The following MDGA2 variants were observed in gnomAD, a reference collection of about 807,000 sequenced individuals.
MDGA2 encodes the protein MAM domain containing glycosylphosphatidylinositol anchor 2.
MDGA2 carries 40 observed loss-of-function variants against 117.8 expected under a neutral mutation model. That is an observed-to-expected ratio of 0.34 (90% CI 0.26 to 0.44). The LOEUF (loss-of-function observed/expected upper bound fraction) is 0.44. MDGA2 is among the 20% of genes least tolerant of loss of function. The pLI is 1.00. For missense variants in MDGA2, 1,123 were observed against 1,250.6 expected, an observed-to-expected ratio of 0.90 and a Z score of 1.54; for synonymous variants, 452 against 439.0, an observed-to-expected ratio of 1.03 and a Z score of -0.37.
chr14:46,839,793 A>T (rs1223736450), downstream of MDGA2, among the ~76,000 whole-genome samples: 1 of 151,986 alleles, frequency 6.6e-6, no homozygotes, highest in Non-Finnish European at 1.5e-5. Context: ...GACTTGGTTC[A>T]GATCAATTCC....
At chr14:47,654,719 C>T (rs1477736235) in intron 1 of MDGA2, among the ~76,000 whole-genome samples, 1 of 152,070 alleles carries the variant, frequency 6.6e-6, no homozygotes, top group Non-Finnish European at 1.5e-5. Context: ...GGCAGCCAAA[C>T]TCATCACCAG....
At chr14:46,960,977 A>T (rs766055061) in intron 8 of MDGA2, among the ~76,000 whole-genome samples, 3 of 150,128 alleles carry the variant, frequency 2.0e-5, no homozygotes, top group Non-Finnish European at 4.4e-5. Context: ...CACATAAAAC[A>T]TTAAAAGGTA....
rs1411215229 is a variant in MDGA2, at chr14:47,157,316, A to C, written c.596-13042T>G. ...ATAAAACTTAGATTCATTCATTCTA[A>C]TGTGAAATTTTGCTTTTACTCATTT... On this transcript the variant is annotated intron_variant, in intron 3 of 16. Coordinates refer to ENST00000399232, the MANE Select transcript of MDGA2 (RefSeq NM_001113498.3). Among the ~76,000 whole-genome samples the C allele has an allele frequency of 2.6e-5, 4 of 152,180 alleles. No homozygotes were observed. The South Asian group carries it at 8.3e-4, about 31-fold the overall frequency.
chr14:47,008,692 T>A (rs2138522902), intron 8 of MDGA2, among the ~76,000 whole-genome samples: 1 of 152,076 alleles, frequency 6.6e-6, no homozygotes, highest in East Asian at 1.9e-4. Context: ...CGTCATTGTC[T>A]ATAAAATATC....
chr14:47,389,606 C>CCA (rs200077028), intron 1 of MDGA2, among the ~76,000 whole-genome samples: 177 of 96,482 alleles, frequency 1.8e-3, no homozygotes, highest in African/African-American at 6.4e-3. Flanking sequence ...ACACACACAC[C>CCA]CACACACACA....
chr14:47,382,224 C>A (rs953168210), intron 1 of MDGA2, among the ~76,000 whole-genome samples: 2 of 152,084 alleles, frequency 1.3e-5, no homozygotes, highest in South Asian at 2.1e-4. Flanking sequence ...TAAAGACTTA[C>A]ATGTTAGACC....
rs1030047319 is a variant in MDGA2, at chr14:47,192,010, C to T, written c.595+26011G>A. ...GAGCATACTGGAGAAAACAACCACCCCAGCCAAGCAATTAATGAAGCCCCT... is the reference window on the plus strand; with the variant it reads ...GAGCATACTGGAGAAAACAACCACCTCAGCCAAGCAATTAATGAAGCCCCT... On this transcript the variant is annotated intron_variant, in intron 3 of 16. Coordinates refer to ENST00000399232, the MANE Select transcript of MDGA2 (RefSeq NM_001113498.3). 2.0e-5 allele frequency among the ~76,000 whole-genome samples: 3 copies of T among 152,080 alleles called. No individual in the cohort carries two copies. The South Asian group carries it at 6.2e-4, about 32-fold the overall frequency.
chr14:47,406,721 G>A (rs1892268840), intron 1 of MDGA2, among the ~76,000 whole-genome samples: 1 of 151,934 alleles, frequency 6.6e-6, no homozygotes, highest in Admixed American at 6.6e-5. Context: ...TTCATCCTAT[G>A]TTGAACATAA....
chr14:46,882,011 T>A, intron 11 of MDGA2, 33 bp downstream of exon 11: 2 of 1,411,742 alleles, frequency 1.4e-6, no homozygotes. Flanking sequence ...GTTAAATATA[T>A]AAATAAATAA....
intron 1 of MDGA2, among the ~76,000 whole-genome samples, chr14:47,634,196 TAGAG>T (rs958239876): frequency 9.9e-5 from 15 of 152,098 alleles, no homozygotes; most frequent in African/African-American, 3.6e-4. Context: ...TTTCTCAAAA[TAGAG>T]GGGAAAAACT....
At position 46,841,971 on chromosome 14, in the gene MDGA2, G is replaced by A. The variant is rs1320340431; in HGVS notation, c.3038C>T (p.Pro1013Leu). 6.2e-7 allele frequency: 1 copy of A among 1,611,908 alleles called. No individual in the cohort carries two copies. Among genetic ancestry groups the A allele is most frequent in the African/African-American group, 1.3e-5 (1 of 74,658 alleles). The change falls in exon 17 of 17, where the codon CCC (proline) becomes CTC (leucine). Residue 1013 changes from proline to leucine, a missense_variant. Transcript: ENST00000399232. ...VGILVHIWLF[P>L]IIVLISILSP... ...TAAGATAGAGATGAGGACGATAATG[G>A]GAAAAAGCCATATATGAACCAAAAT...
intron 1 of MDGA2, among the ~76,000 whole-genome samples, chr14:47,487,169 AG>A (rs1384770713): frequency 6.6e-6 from 1 of 152,222 alleles, no homozygotes; most frequent in African/African-American, 2.4e-5. Flanking sequence ...GTTCAAAACA[AG>A]GGACATAGGT....
chr14:47,646,012 G>A (rs1183811946), intron 1 of MDGA2, among the ~76,000 whole-genome samples: 2 of 151,094 alleles, frequency 1.3e-5, no homozygotes, highest in East Asian at 2.0e-4. Flanking sequence ...CTCGGGAGGC[G>A]GAGCTTGCAG....
intron 2 of MDGA2, among the ~76,000 whole-genome samples, chr14:47,222,509 C>T (rs1227611664): frequency 1.3e-5 from 2 of 152,066 alleles, no homozygotes; most frequent in Admixed American, 1.3e-4. Flanking sequence ...AGTTACAATA[C>T]AGCTTTCTGA....
At position 46,842,015 on chromosome 14, in the gene MDGA2, G is replaced by A. The variant is rs373729967; in HGVS notation, c.2994C>T (p.Ser998=). 39 of 1,606,070 alleles carry A rather than the reference G, an allele frequency of 2.4e-5. No individual in the cohort carries two copies. In the African/African-American group the frequency reaches 2.8e-4, roughly 12 times the overall value. The change falls in exon 17 of 17, where the codon TCC becomes TCT. Residue 998 remains serine, a synonymous_variant. Transcript: ENST00000399232. ...CAKQDLATKN[S]VDGAVGILVH... is the part of the protein sequence containing the mutation. The stretch of plus-strand genomic sequence containing the variant: ...CCAAAATCCCAACAGCACCATCAAC[G>A]GAATCTAAAGATAAGGAAAATAAAT...
At chr14:47,301,584 T>C in intron 1 of MDGA2, 34 bp from the exon 2 acceptor site, 2 of 1,550,668 alleles carry the variant, frequency 1.3e-6, no homozygotes, top group South Asian at 2.4e-5. Context: ...ACAAGATACA[T>C]GAAAAGGTAA....
intron 14 of MDGA2, among the ~76,000 whole-genome samples, chr14:46,866,606 C>T (rs2138341005): frequency 6.6e-6 from 1 of 151,978 alleles, no homozygotes; most frequent in African/African-American, 2.4e-5. Flanking sequence ...GAACAGGCAA[C>T]CTACAAAATG....
At chr14:47,266,264 A>C (rs1409495089) in intron 2 of MDGA2, among the ~76,000 whole-genome samples, 1 of 152,176 alleles carries the variant, frequency 6.6e-6, no homozygotes, top group East Asian at 1.9e-4. Context: ...CTGTCTACCC[A>C]GTGTTCAAAC....
intron 1 of MDGA2, among the ~76,000 whole-genome samples, chr14:47,469,458 T>A (rs1224103476): frequency 1.3e-5 from 2 of 152,208 alleles, no homozygotes; most frequent in Non-Finnish European, 2.9e-5. Context: ...TCCAGCTTCA[T>A]CCATGTCCGT....
Sources: gnomAD v4.1 joint callset for allele counts (sites outside exome capture counted in the v4.1 genomes callset) on GRCh38, gnomAD v4.1.1 for gene constraint, MANE v1.5 for transcripts, NCBI Gene and HGNC (gene_info 2026-07-23, HGNC 2026-07-21) for gene names.